MAP3K13: variants seen among roughly 807,000 people sequenced by gnomAD.
MAP3K13 encodes the protein mitogen-activated protein kinase kinase kinase 13.
A neutral mutation model predicts 104.0 loss-of-function variants in MAP3K13; 52 were observed. The observed-to-expected ratio is 0.50, with a 90% CI of 0.40 to 0.63. MAP3K13 has a LOEUF of 0.63. Ranked by LOEUF, MAP3K13 falls within the 20% of genes least tolerant of loss-of-function variation. The pLI is 0.00. For missense variants in MAP3K13, 914 were observed against 1,218.5 expected (o/e 0.75, Z 3.72); for synonymous variants, 394 against 442.2 (o/e 0.89, Z 1.37).
Position 185,473,857 on chromosome 3 carries a change from T to A in MAP3K13, c.2430+96T>A. 2 of 1,305,956 alleles carry A rather than the reference T, an allele frequency of 1.5e-6. No homozygotes were observed. Among genetic ancestry groups the A allele is most frequent in the Middle Eastern group, 2.6e-4 (1 of 3,882 alleles). The allele number at this position is 1,305,956 out of a possible 1,614,324, so 80.9% of individuals were successfully genotyped here. A position where few individuals can be genotyped will look rare whatever the true frequency, so the allele number is the denominator to read the frequency against. On this transcript the variant is annotated intron_variant, in intron 11 of 13. Transcript: ENST00000265026. The surrounding 1 kb of genome is among the most constrained non-coding windows in gnomAD (Gnocchi z 4.9). ...CATTAGAGAGCATATGTAAAAAGTATACATTTTGTAAAAGGACAAGATAAC... is the reference window on the plus strand; with the variant it reads ...CATTAGAGAGCATATGTAAAAAGTAAACATTTTGTAAAAGGACAAGATAAC...
intron 1 of MAP3K13, among the ~76,000 whole-genome samples, chr3:185,283,349 A>C (rs1720379130): frequency 6.6e-6 from 1 of 152,064 alleles, no homozygotes; most frequent in South Asian, 2.1e-4. Flanking sequence ...CACTGAGATG[A>C]GTTGACCTAG....
intron 2 of MAP3K13, among the ~76,000 whole-genome samples, chr3:185,331,924 T>C (rs752264646): frequency 6.6e-6 from 1 of 152,238 alleles, no homozygotes; most frequent in Non-Finnish European, 1.5e-5. Flanking sequence ...TTGTAATATA[T>C]GTTGAATCTC....
At chr3:185,430,458 C>T (rs1483851287) in intron 2 of MAP3K13, among the ~76,000 whole-genome samples, 1 of 152,130 alleles carries the variant, frequency 6.6e-6, no homozygotes, top group East Asian at 1.9e-4. Context: ...CCCCACCCTC[C>T]ACCCTCACGT....
At chr3:185,439,552 C>T (rs1431924026) in intron 3 of MAP3K13, among the ~76,000 whole-genome samples, 1 of 152,054 alleles carries the variant, frequency 6.6e-6, no homozygotes, top group Admixed American at 6.5e-5. Context: ...ATCACTAGGA[C>T]GCTGGGTTTG....
rs934159962 is a variant in MAP3K13 at position 185,426,661 on chromosome 3, C to A, written c.-85-1836C>A. Among the ~76,000 whole-genome samples, 67 of 152,108 alleles carry A rather than the reference C, an allele frequency of 4.4e-4. 1 individual carries two copies. Among genetic ancestry groups the A allele is most frequent in the African/African-American group, 1.6e-3 (65 of 41,408 alleles). On this transcript the variant is annotated intron_variant, in intron 1 of 13. Coordinates refer to ENST00000265026, the MANE Select transcript of MAP3K13 (RefSeq NM_004721.5). ...ATGCACTTATATATAGCCTACATTCCAGCCACTTTGGATTTCTCATCTGTT... is the reference window on the plus strand; with the variant it reads ...ATGCACTTATATATAGCCTACATTCAAGCCACTTTGGATTTCTCATCTGTT...
rs1227922750 is a variant in MAP3K13, at chr3:185,315,862, C to A, written c.-86+30219C>A. ...ATTAATATTTTTGGTTAAGATACAT[C>A]AAAACTAACCACAGAAAAGTGAGAA... is the stretch of plus-strand genomic sequence containing the variant. On this transcript the variant is annotated intron_variant, in intron 2 of 14. Coordinates refer to the MAP3K13 transcript ENST00000424227. The surrounding 1 kb of genome is among the most constrained non-coding windows in gnomAD (Gnocchi z 4.3). 6.6e-6 allele frequency among the ~76,000 whole-genome samples: 1 copy of A among 151,916 alleles called. No homozygotes were observed. Among genetic ancestry groups the A allele is most frequent in the East Asian group, 1.9e-4 (1 of 5,184 alleles).
At chr3:185,436,026 T>A (rs1715010994) in intron 2 of MAP3K13, among the ~76,000 whole-genome samples, 1 of 152,230 alleles carries the variant, frequency 6.6e-6, no homozygotes, top group African/African-American at 2.4e-5. Flanking sequence ...GGCTCTTAGC[T>A]CTTTGATATT....
rs529514739 is a variant in MAP3K13, at chr3:185,382,788, G to A, written c.-86+19420G>A. On this transcript the variant is annotated intron_variant, in intron 1 of 13. Coordinates refer to ENST00000265026, the MANE Select transcript of MAP3K13 (RefSeq NM_004721.5). The stretch of plus-strand genomic sequence containing the variant: ...GGGTAGGCCGAGGCGGGTGGATCAC[G>A]AGGTCAGGAGATCAAGACCATCCTG... 1.1e-4 allele frequency among the ~76,000 whole-genome samples: 17 copies of A among 152,240 alleles called. 1 individual carries two copies. In the South Asian group the frequency reaches 3.5e-3, roughly 32 times the overall value.
chr3:185,386,375 T>C (rs1711687367), intron 1 of MAP3K13, among the ~76,000 whole-genome samples: 1 of 152,064 alleles, frequency 6.6e-6, no homozygotes, highest in Admixed American at 6.6e-5. Flanking sequence ...TACCACCTCA[T>C]ACCAATCAGA....
rs192991893 is a variant in MAP3K13 at position 185,427,731 on chromosome 3, G to A, written c.-85-766G>A. On this transcript the variant is annotated intron_variant, in intron 1 of 13. Coordinates refer to ENST00000265026, the MANE Select transcript of MAP3K13 (RefSeq NM_004721.5). ...ACAGGATGTAGTTTGTACTAAAGAT[G>A]TGTATATCAGAACAACTAAATTTCC... 4.6e-5 allele frequency among the ~76,000 whole-genome samples: 7 copies of A among 152,310 alleles called. No homozygotes were observed. The East Asian group carries it at 1.4e-3, about 29-fold the overall frequency.
chr3:185,366,843 A>G (rs1004030765), intron 1 of MAP3K13, among the ~76,000 whole-genome samples: 2 of 152,236 alleles, frequency 1.3e-5, no homozygotes, highest in Non-Finnish European at 2.9e-5. Context: ...GCTCTTTATC[A>G]GATGTATACT....
At position 185,486,615 on chromosome 3, in the gene MAP3K13, C is replaced by T. The variant is rs1718728887; in HGVS notation, c.*4159C>T. The T allele has an allele frequency of 6.6e-6, 1 of 152,226 alleles. No homozygotes were observed. Among genetic ancestry groups the T allele is most frequent in the Admixed American group, 6.5e-5 (1 of 15,282 alleles). 9.4% of individuals were successfully genotyped at this position (152,226 alleles called of 1,614,324 possible). Reference sequence around the variant, plus strand: ...GTGTTACAACAGTGCTTCCAGGAACCTCACAAGACTGTGATTTCAAGCTGC... The same window carrying T: ...GTGTTACAACAGTGCTTCCAGGAACTTCACAAGACTGTGATTTCAAGCTGC... On this transcript the variant is annotated 3_prime_UTR_variant, in exon 14 of 14. Coordinates refer to ENST00000265026, the MANE Select transcript of MAP3K13 (RefSeq NM_004721.5).
chr3:185,328,628 A>G (rs1722126924), intron 2 of MAP3K13: 1 of 152,232 alleles, frequency 6.6e-6, no homozygotes, highest in Non-Finnish European at 1.5e-5. Context: ...TTCCAGGAAC[A>G]TATGGGAAAG....
intron 1 of MAP3K13, among the ~76,000 whole-genome samples, chr3:185,411,674 G>A (rs1713454800): frequency 1.3e-5 from 2 of 151,060 alleles, no homozygotes; most frequent in African/African-American, 4.9e-5. Flanking sequence ...ATTTTTAAAT[G>A]TTATTTTAAA....
Position 185,311,481 on chromosome 3 carries a change from T to C in MAP3K13, c.-86+25838T>C, listed in dbSNP as rs189440866. 3.8e-3 allele frequency among the ~76,000 whole-genome samples: 581 copies of C among 152,290 alleles called. 3 individuals carry two copies. Among genetic ancestry groups the C allele is most frequent in the African/African-American group, 0.013 (535 of 41,548 alleles). Reference sequence around the variant, plus strand: ...TGCATGGGAATTCTGGGAGATACAATTGAAGTTGAGATTTGAATGGAGACA... The same window carrying C: ...TGCATGGGAATTCTGGGAGATACAACTGAAGTTGAGATTTGAATGGAGACA... On this transcript the variant is annotated intron_variant, in intron 2 of 14. Coordinates refer to the MAP3K13 transcript ENST00000424227.
chr3:185,416,714 G>C (rs1036892837), intron 1 of MAP3K13, among the ~76,000 whole-genome samples: 3 of 151,956 alleles, frequency 2.0e-5, no homozygotes, highest in Non-Finnish European at 4.4e-5. Context: ...CTGCAGCTTA[G>C]ACCCTCTGGG....
At chr3:185,461,043 A>C (rs1717068563) in intron 7 of MAP3K13, among the ~76,000 whole-genome samples, 1 of 152,116 alleles carries the variant, frequency 6.6e-6, no homozygotes, top group Non-Finnish European at 1.5e-5. Flanking sequence ...AACTACTTTC[A>C]CTTGTCATTC....
Position 185,463,618 on chromosome 3 carries a change from G to C in MAP3K13, c.1347G>C (p.Arg449=). 3 of 1,613,272 alleles carry C rather than the reference G, an allele frequency of 1.9e-6. No individual in the cohort carries two copies. The highest frequency in any genetic ancestry group is 2.5e-6 in the Non-Finnish European group (3 of 1,179,376). ...KIKSEGTCIH[R]LDEELIRRRR... ...AAAGTGAAGGAACTTGTATACACCG[G>C]TTAGATGAAGAACTGATTCGAAGGC... Residue 449 remains arginine, a synonymous_variant, in exon 8 of 14, where the codon CGG becomes CGC. Coordinates refer to ENST00000265026, the MANE Select transcript of MAP3K13 (RefSeq NM_004721.5).
At chr3:185,302,715 C>G (rs1308313465) in intron 2 of MAP3K13, among the ~76,000 whole-genome samples, 1 of 152,140 alleles carries the variant, frequency 6.6e-6, no homozygotes, top group Non-Finnish European at 1.5e-5. Flanking sequence ...TGCAACTTTG[C>G]TGAATTCATT....
Sources: allele counts gnomAD v4.1 joint callset (sites outside exome capture counted in the v4.1 genomes callset), GRCh38; gene constraint gnomAD v4.1.1; non-coding constraint Gnocchi (gnomAD v3.1); transcripts MANE v1.5; gene names NCBI Gene and HGNC (gene_info 2026-07-23, HGNC 2026-07-21).